GABRG3: variants seen among roughly 807,000 people sequenced by gnomAD.
GABRG3 encodes gamma-aminobutyric acid receptor subunit gamma-3.
GABRG3 carries 25 observed loss-of-function variants against 48.8 expected under a neutral mutation model. That is an observed-to-expected ratio of 0.51 (90% CI 0.37 to 0.72). GABRG3 has a LOEUF of 0.72. GABRG3 is among the 30% of genes least tolerant of loss of function. GABRG3 has a pLI of 0.00. For missense variants in GABRG3, 394 were observed against 577.9 expected, an observed-to-expected ratio of 0.68 and a Z score of 3.26; for synonymous variants, 227 against 217.6, an observed-to-expected ratio of 1.04 and a Z score of -0.38.
chr15:27,034,081 A>T (rs1896134467), intron 3 of GABRG3, among the ~76,000 whole-genome samples: 1 of 152,238 alleles, frequency 6.6e-6, no homozygotes, highest in Admixed American at 6.5e-5. Flanking sequence ...AATGTGAGGG[A>T]TACCATCTAA....
intron 3 of GABRG3, among the ~76,000 whole-genome samples, chr15:27,072,297 A>G (rs1158625843): frequency 6.6e-6 from 1 of 152,158 alleles, no homozygotes; most frequent in African/African-American, 2.4e-5. Flanking sequence ...AGGTACATCA[A>G]CTTTGTCTTC....
intron 5 of GABRG3, among the ~76,000 whole-genome samples, chr15:27,441,540 T>C (rs1404020665): frequency 1.3e-5 from 2 of 152,214 alleles, no homozygotes; most frequent in East Asian, 1.9e-4. Flanking sequence ...TGATCAATCA[T>C]GTCTCTTCTC....
chr15:27,188,423 C>A (rs979696630), intron 3 of GABRG3, among the ~76,000 whole-genome samples: 2 of 152,192 alleles, frequency 1.3e-5, no homozygotes, highest in Admixed American at 6.5e-5. Flanking sequence ...GCCATTCTAA[C>A]TGGTGTGAGA....
chr15:27,320,982 G>T (rs889214865), intron 3 of GABRG3, among the ~76,000 whole-genome samples: 1 of 152,316 alleles, frequency 6.6e-6, no homozygotes, highest in Admixed American at 6.5e-5. Context: ...GTCACCCCCT[G>T]CTATGCTTCC....
chr15:27,106,303 G>A (rs996231263), intron 3 of GABRG3, among the ~76,000 whole-genome samples: 1 of 152,000 alleles, frequency 6.6e-6, no homozygotes, highest in Non-Finnish European at 1.5e-5. Flanking sequence ...GGGCAACTAT[G>A]TAAGATGATA....
In GABRG3 at chr15:27,306,346, CAT is replaced by C. The variant is rs1892443384; in HGVS notation, c.271-20462_271-20461del. Among the ~76,000 whole-genome samples the C allele has an allele frequency of 1.7e-5, 2 of 115,424 alleles. 1 individual carries two copies. Among genetic ancestry groups the C allele is most frequent in the South Asian group, 5.0e-4 (2 of 4,016 alleles). 75.7% of individuals were successfully genotyped at this position (115,424 alleles called of 152,430 possible). A position where few individuals can be genotyped will look rare whatever the true frequency, so the allele number is the denominator to read the frequency against. On this transcript the variant is annotated intron_variant, in intron 3 of 9. Coordinates refer to ENST00000615808, the MANE Select transcript of GABRG3 (RefSeq NM_033223.5). ...TCTATATATAAACATAAAATATAAA[CAT>C]GTCTACATATAAACATATATATAAT... is the stretch of plus-strand genomic sequence containing the variant.
chr15:27,393,768 A>T (rs1414826005), intron 5 of GABRG3, among the ~76,000 whole-genome samples: 2 of 152,204 alleles, frequency 1.3e-5, no homozygotes, highest in Non-Finnish European at 2.9e-5. Flanking sequence ...TTGAGCATAT[A>T]CTATGGAGTG....
Position 27,502,299 on chromosome 15 carries a change from T to C in GABRG3, c.713-17673T>C, listed in dbSNP as rs1227956773. Among the ~76,000 whole-genome samples, 7 of 152,262 alleles carry C rather than the reference T, an allele frequency of 4.6e-5. No individual in the cohort carries two copies. The East Asian group carries it at 1.3e-3, about 29-fold the overall frequency. The stretch of plus-strand genomic sequence containing the variant: ...ATCCATAGGCTGTTTAATGATTTTA[T>C]TTAAAAATGATTTTATATTGAAATT... On this transcript the variant is annotated intron_variant, in intron 6 of 9. Transcript: ENST00000615808.
In GABRG3 at chr15:27,530,881, C is replaced by A. The variant is rs1002216356; in HGVS notation, c.1123-1719C>A. On this transcript the variant is annotated intron_variant, in intron 9 of 9. Coordinates refer to ENST00000615808, the MANE Select transcript of GABRG3 (RefSeq NM_033223.5). The stretch of plus-strand genomic sequence containing the variant: ...CTGTCAAAGCACACGTGTAGGAAAC[C>A]TTTATTGCAATTGTTTGTTAATAAA... 24 of 338,856 alleles carry A rather than the reference C, an allele frequency of 7.1e-5. No individual in the cohort carries two copies. The Admixed American group carries it at 9.4e-4, about 13-fold the overall frequency. 21.0% of individuals were successfully genotyped at this position (338,856 alleles called of 1,614,324 possible). A position where few individuals can be genotyped will look rare whatever the true frequency, so the allele number is the denominator to read the frequency against.
At chr15:26,980,516 A>T (rs1895033059) in intron 2 of GABRG3, among the ~76,000 whole-genome samples, 1 of 151,966 alleles carries the variant, frequency 6.6e-6, no homozygotes, top group Non-Finnish European at 1.5e-5. Flanking sequence ...TCTCTACTAA[A>T]AAATACAGAA....
At chr15:27,519,179 G>A (rs1233685836) in intron 6 of GABRG3, among the ~76,000 whole-genome samples, 1 of 152,118 alleles carries the variant, frequency 6.6e-6, no homozygotes, top group Non-Finnish European at 1.5e-5. Flanking sequence ...AAATGGGGAG[G>A]ATGAGGATGA....
chr15:27,193,714 G>C (rs1888406664), intron 3 of GABRG3, among the ~76,000 whole-genome samples: 2 of 151,954 alleles, frequency 1.3e-5, no homozygotes, highest in South Asian at 4.1e-4. Context: ...TGTGCACGGT[G>C]CGCTGCACCC....
At chr15:27,088,534 G>A (rs1245233822) in intron 3 of GABRG3, among the ~76,000 whole-genome samples, 1 of 152,116 alleles carries the variant, frequency 6.6e-6, no homozygotes, top group Non-Finnish European at 1.5e-5. Context: ...ATCTGAGACT[G>A]GGCAACTTTT....
intron 3 of GABRG3, among the ~76,000 whole-genome samples, chr15:27,296,431 A>G (rs979329069): frequency 6.6e-6 from 1 of 152,126 alleles, no homozygotes; most frequent in Non-Finnish European, 1.5e-5. Context: ...AACTTGAGTA[A>G]CTTTCATTTA....
intron 3 of GABRG3, among the ~76,000 whole-genome samples, chr15:27,231,471 A>G (rs1889798660): frequency 6.6e-6 from 1 of 152,190 alleles, no homozygotes; most frequent in South Asian, 2.1e-4. Flanking sequence ...AGCAGGAGGC[A>G]GAAGAGGGCT....
chr15:27,399,381 A>G (rs930655895), intron 5 of GABRG3, among the ~76,000 whole-genome samples: 1 of 152,164 alleles, frequency 6.6e-6, no homozygotes, highest in African/African-American at 2.4e-5. Flanking sequence ...GCTGGACTCA[A>G]ACCTGTGCTT....
chr15:27,066,590 A>C (rs1896741677), intron 3 of GABRG3, among the ~76,000 whole-genome samples: 1 of 152,144 alleles, frequency 6.6e-6, no homozygotes, highest in South Asian at 2.1e-4. Context: ...CTTTCAGAAA[A>C]ACAAGTGGTA....
At chr15:27,119,327 T>G (rs904642354) in intron 3 of GABRG3, among the ~76,000 whole-genome samples, 1 of 152,256 alleles carries the variant, frequency 6.6e-6, no homozygotes, top group Non-Finnish European at 1.5e-5. Context: ...TAAATACATT[T>G]GTATGTTTTT....
chr15:27,367,680 T>C (rs1048964288), intron 5 of GABRG3, among the ~76,000 whole-genome samples: 7 of 152,214 alleles, frequency 4.6e-5, no homozygotes, highest in African/African-American at 1.7e-4. Flanking sequence ...TTGAGTAGCA[T>C]TGCATATAAT....
Sources: gnomAD v4.1 joint callset for allele counts (sites outside exome capture counted in the v4.1 genomes callset) on GRCh38, gnomAD v4.1.1 for gene constraint, MANE v1.5 for transcripts, NCBI Gene and HGNC (gene_info 2026-07-23, HGNC 2026-07-21) for gene names.